Variants in SERTM2 observed in about 807,000 individuals in gnomAD.
The protein encoded by SERTM2 is serine-rich and transmembrane domain-containing protein 2.
Position 111,521,729 on chromosome X carries a change from A to G in SERTM2, c.*2599A>G, listed in dbSNP as rs1423955537. 9.5e-6 allele frequency: 1 copy of G among 105,331 alleles called. No individual in the cohort carries two copies. Among genetic ancestry groups the G allele is most frequent in the Non-Finnish European group, 1.9e-5 (1 of 51,793 alleles). The allele number at this position is 105,331 out of a possible 1,213,427, so 8.7% of individuals were successfully genotyped here. ...ATAAACAGGTAGGTTATTTATATAT[A>G]TGTGTACTCTGTTTTAAGATGAAAA... On this transcript the variant is annotated 3_prime_UTR_variant, in exon 3 of 3. Transcript: ENST00000569275.
chrX:111,512,152 T>C, intron 2 of SERTM2, 58 bp downstream of exon 2: 1 of 288,907 alleles, frequency 3.5e-6, no homozygotes, highest in Non-Finnish European at 6.1e-6. Flanking sequence ...AGGCATTATT[T>C]TATTTATCGG....
chrX:111,522,343 T>C lies in SERTM2; in HGVS notation c.*3213T>C, dbSNP rs1009671539. 2.7e-5 allele frequency: 3 copies of C among 112,117 alleles called. No individual in the cohort carries two copies. The highest frequency in any genetic ancestry group is 9.7e-5 in the African/African-American group (3 of 30,818). 9.2% of individuals were successfully genotyped at this position (112,117 alleles called of 1,213,427 possible). The stretch of plus-strand genomic sequence containing the variant: ...AAAAATGGAAATATATTTGCATTAA[T>C]ATTTAGCATGTCATTTTTGATCCCT... On this transcript the variant is annotated 3_prime_UTR_variant, in exon 3 of 3. Transcript: ENST00000569275.
In SERTM2 at chrX:111,518,716, T is replaced by C. The variant is rs1930360677; in HGVS notation, c.-142T>C. On this transcript the variant is annotated 5_prime_UTR_variant, in exon 3 of 3. Coordinates refer to ENST00000569275, the MANE Select transcript of SERTM2 (RefSeq NM_001354473.2). ...ATCACCATTTTCTGCTTGTGTGCTATTGCCTTAGCTCTGAGAGTGATTGGT... is the reference window on the plus strand; with the variant it reads ...ATCACCATTTTCTGCTTGTGTGCTACTGCCTTAGCTCTGAGAGTGATTGGT... The C allele has an allele frequency of 3.4e-6, 1 of 293,739 alleles. No individual in the cohort carries two copies. The highest frequency in any genetic ancestry group is 2.4e-4 in the South Asian group (1 of 4,245). 24.2% of individuals were successfully genotyped at this position (293,739 alleles called of 1,213,427 possible).
At chrX:111,517,811 A>T (rs951342089) in intron 2 of SERTM2, among the ~76,000 whole-genome samples, 12 of 110,516 alleles carry the variant, frequency 1.1e-4, no homozygotes, top group Non-Finnish European at 2.3e-4. Flanking sequence ...TATATTAATA[A>T]GTACCCCCAA....
At chrX:111,512,163 C>G (rs1158245320) in intron 2 of SERTM2, 69 bp downstream of exon 2, 1 of 283,990 alleles carries the variant, frequency 3.5e-6, no homozygotes, top group Non-Finnish European at 6.2e-6. Context: ...TATTTATCGG[C>G]AGGTGTGACA....
chrX:111,519,808 CTTCT>C lies in SERTM2; in HGVS notation c.*681_*684del, dbSNP rs1930382090. On this transcript the variant is annotated 3_prime_UTR_variant, in exon 3 of 3. Coordinates refer to ENST00000569275, the MANE Select transcript of SERTM2 (RefSeq NM_001354473.2). ...ATCCATATTAATTCTATTCATGCAG[CTTCT>C]TTGTCTTTTTCTCTCTCCCTCTCAC... The C allele has an allele frequency of 8.9e-6, 1 of 112,071 alleles. No individual in the cohort carries two copies. Among genetic ancestry groups the C allele is most frequent in the African/African-American group, 3.2e-5 (1 of 30,893 alleles). The allele number at this position is 112,071 out of a possible 1,213,427, so 9.2% of individuals were successfully genotyped here.
intron 2 of SERTM2, among the ~76,000 whole-genome samples, chrX:111,514,255 G>A (rs968524616): frequency 9.0e-6 from 1 of 111,549 alleles, no homozygotes; most frequent in African/African-American, 3.2e-5. Flanking sequence ...AACTGTAAAT[G>A]TTAGGTACAT....
At chrX:111,512,436 A>G (rs1487205346) in intron 2 of SERTM2, among the ~76,000 whole-genome samples, 1 of 112,108 alleles carries the variant, frequency 8.9e-6, no homozygotes, top group East Asian at 2.8e-4. Context: ...GGTTTTCCTT[A>G]ACTACTTGAT....
chrX:111,518,838 A>G lies in SERTM2; in HGVS notation c.-20A>G, dbSNP rs1285477113. Reference sequence around the variant, plus strand: ...CAGTAGAAATCAAATAGAAACACATACTAACTCAAGTCTTGAGTGATGATG... The same window carrying G: ...CAGTAGAAATCAAATAGAAACACATGCTAACTCAAGTCTTGAGTGATGATG... On this transcript the variant is annotated 5_prime_UTR_variant, in exon 3 of 3. In the 5' UTR this introduces an upstream ATG that the reference lacks. Coordinates refer to ENST00000569275, the MANE Select transcript of SERTM2 (RefSeq NM_001354473.2). 6.4e-5 allele frequency: 19 copies of G among 295,653 alleles called. No homozygotes were observed. The Admixed American group carries it at 1.1e-3, about 17-fold the overall frequency. 24.4% of individuals were successfully genotyped at this position (295,653 alleles called of 1,213,427 possible). A position where few individuals can be genotyped will look rare whatever the true frequency, so the allele number is the denominator to read the frequency against.
rs1009541721 is a variant in SERTM2, at chrX:111,519,439, T to C, written c.*309T>C. ...TCAGACCACAGAAATTCATGCGCAGTGGTTGTAAGAAGCACAGGGTCCCTG... is the reference window on the plus strand; with the variant it reads ...TCAGACCACAGAAATTCATGCGCAGCGGTTGTAAGAAGCACAGGGTCCCTG... On this transcript the variant is annotated 3_prime_UTR_variant, in exon 3 of 3. Coordinates refer to ENST00000569275, the MANE Select transcript of SERTM2 (RefSeq NM_001354473.2). The C allele has an allele frequency of 9.1e-5, 14 of 153,243 alleles. No individual in the cohort carries two copies. The highest frequency in any genetic ancestry group is 4.3e-4 in the African/African-American group (14 of 32,560). 12.6% of individuals were successfully genotyped at this position (153,243 alleles called of 1,213,427 possible).
At chrX:111,516,914 T>C (rs955759224) in intron 2 of SERTM2, among the ~76,000 whole-genome samples, 11 of 111,793 alleles carry the variant, frequency 9.8e-5, no homozygotes, top group African/African-American at 3.6e-4. Context: ...CTATTGCACA[T>C]AGAAGTGTGA....
Position 111,521,942 on chromosome X carries a change from A to G in SERTM2, c.*2812A>G, listed in dbSNP as rs1238483750. ...CAATTTTTTAAAATATATTTTGCATATATTTCAGAATCATGGGTTGTACAA... is the reference window on the plus strand; with the variant it reads ...CAATTTTTTAAAATATATTTTGCATGTATTTCAGAATCATGGGTTGTACAA... On this transcript the variant is annotated 3_prime_UTR_variant, in exon 3 of 3. Coordinates refer to ENST00000569275, the MANE Select transcript of SERTM2 (RefSeq NM_001354473.2). The G allele has an allele frequency of 8.9e-6, 1 of 111,991 alleles. No individual in the cohort carries two copies. The highest frequency in any genetic ancestry group is 1.9e-5 in the Non-Finnish European group (1 of 53,267). The allele number at this position is 111,991 out of a possible 1,213,427, so 9.2% of individuals were successfully genotyped here.
chrX:111,516,640 C>G (rs1930316768), intron 2 of SERTM2, among the ~76,000 whole-genome samples: 1 of 109,602 alleles, frequency 9.1e-6, no homozygotes. Flanking sequence ...ATATCTCTCT[C>G]TCTCTCTCTG....
At chrX:111,513,227 A>T (rs1385037124) in intron 2 of SERTM2, among the ~76,000 whole-genome samples, 1 of 107,096 alleles carries the variant, frequency 9.3e-6, no homozygotes, top group East Asian at 3.0e-4. Flanking sequence ...CTCATTTCTC[A>T]CATTTCTTTC....
chrX:111,512,210 C>G (rs1029104168), intron 2 of SERTM2, 116 bp downstream of exon 2: 6 of 281,860 alleles, frequency 2.1e-5, no homozygotes, highest in Non-Finnish European at 3.7e-5. Flanking sequence ...ACAGCAACTC[C>G]TACTTGAGCG....
intron 2 of SERTM2, among the ~76,000 whole-genome samples, chrX:111,516,109 G>A (rs905861529): frequency 3.4e-4 from 36 of 106,973 alleles, no homozygotes; most frequent in African/African-American, 1.2e-3. Flanking sequence ...TTGCCACTTC[G>A]AGCCTCTGGT....
rs973642149 is a variant in SERTM2 at position 111,519,138 on chromosome X, A to T, written c.*8A>T. ...CGAATCCCCACTCCCTAAAGCCAGGATGAAGGTGAGCTTTAGTGGATCTGG... is the reference window on the plus strand; with the variant it reads ...CGAATCCCCACTCCCTAAAGCCAGGTTGAAGGTGAGCTTTAGTGGATCTGG... On this transcript the variant is annotated 3_prime_UTR_variant, in exon 3 of 3. Coordinates refer to ENST00000569275, the MANE Select transcript of SERTM2 (RefSeq NM_001354473.2). The T allele has an allele frequency of 2.3e-4, 69 of 295,559 alleles. No individual in the cohort carries two copies. Among genetic ancestry groups the T allele is most frequent in the Non-Finnish European group, 3.2e-4 (54 of 169,690 alleles). The allele number at this position is 295,559 out of a possible 1,213,427, so 24.4% of individuals were successfully genotyped here.
chrX:111,513,122 T>G (rs751562491), intron 2 of SERTM2, among the ~76,000 whole-genome samples: 4 of 109,766 alleles, frequency 3.6e-5, no homozygotes, highest in Non-Finnish European at 7.6e-5. Context: ...TGCTCCATTC[T>G]TTCTCAATAT....
chrX:111,514,820 G>T (rs1458331529), intron 2 of SERTM2, among the ~76,000 whole-genome samples: 2 of 111,069 alleles, frequency 1.8e-5, no homozygotes, highest in East Asian at 5.6e-4. Context: ...GCAAGTTGAA[G>T]ATTACACAGT....
Sources: gnomAD v4.1 joint callset for allele counts (sites outside exome capture counted in the v4.1 genomes callset) on GRCh38, gnomAD v4.1.1 for gene constraint, MANE v1.5 for transcripts, NCBI Gene and HGNC (gene_info 2026-07-23, HGNC 2026-07-21) for gene names.